DMGDH: variants seen among roughly 807,000 people sequenced by gnomAD.
The protein encoded by DMGDH is dimethylglycine dehydrogenase, mitochondrial.
Under a neutral mutation model 95.2 loss-of-function variants are expected in DMGDH, and 76 were observed. The observed-to-expected ratio is 0.80, with a 90% confidence interval of 0.66 to 0.97. The LOEUF is 0.97. DMGDH is among the 50% of genes least tolerant of loss of function. DMGDH has a pLI of 0.00. For synonymous variants in DMGDH, 345 were observed against 377.6 expected (o/e 0.91, Z 1.00); for missense variants, 987 against 1,055.0 (o/e 0.94, Z 0.89).
At chr5:79,001,194 G>C in intron 15 of DMGDH, 1 of 404,054 alleles carries the variant, frequency 2.5e-6, no homozygotes. Context: ...ATGGAGTCTT[G>C]CTCTGTTGCC....
chr5:79,058,641 T>C (rs1344940365), intron 2 of DMGDH, among the ~76,000 whole-genome samples: 2 of 152,158 alleles, frequency 1.3e-5, no homozygotes, highest in East Asian at 1.9e-4. Context: ...AAAGTGATTG[T>C]AGCTGGTAGA....
In DMGDH at chr5:79,020,632, C is replaced by T. The variant is rs1037143125; in HGVS notation, c.2250+3639G>A. On this transcript the variant is annotated intron_variant, in intron 14 of 15. Transcript: ENST00000255189. ...CTTTAAATATTTCTTCCAAAAGAGA[C>T]CCTGCATTTTCTAGAATCAACATTG... 3.1e-6 allele frequency: 3 copies of T among 953,768 alleles called. No individual in the cohort carries two copies. In the African/African-American group the frequency reaches 5.3e-5, roughly 17 times the overall value. The allele number at this position is 953,768 out of a possible 1,614,324, so 59.1% of individuals were successfully genotyped here.
At chr5:79,014,269 T>G (rs1219780296) in intron 14 of DMGDH, among the ~76,000 whole-genome samples, 1 of 152,226 alleles carries the variant, frequency 6.6e-6, no homozygotes, top group Non-Finnish European at 1.5e-5. Context: ...TTACATGTCT[T>G]TAATATTAAA....
At chr5:79,057,904 C>G (rs950925084) in intron 2 of DMGDH, among the ~76,000 whole-genome samples, 1 of 152,060 alleles carries the variant, frequency 6.6e-6, no homozygotes, top group African/African-American at 2.4e-5. Flanking sequence ...CTGGGTTAAG[C>G]TAGACCACTG....
intron 14 of DMGDH, among the ~76,000 whole-genome samples, chr5:79,019,271 C>G (rs1448073235): frequency 6.6e-6 from 1 of 152,100 alleles, no homozygotes; most frequent in Non-Finnish European, 1.5e-5. Context: ...AGATATGGGG[C>G]AGAATACGAA....
chr5:79,019,231 C>T (rs1753804047), intron 14 of DMGDH, among the ~76,000 whole-genome samples: 1 of 152,132 alleles, frequency 6.6e-6, no homozygotes, highest in South Asian at 2.1e-4. Context: ...AAAAAATTCA[C>T]TTACTACCCA....
intron 8 of DMGDH, 59 bp downstream of exon 8, chr5:79,033,180 G>A (rs1207904032): frequency 1.2e-6 from 2 of 1,601,674 alleles, no homozygotes; most frequent in Non-Finnish European, 1.7e-6. Context: ...TCTAAAGTCA[G>A]AGATGCTACA....
intron 7 of DMGDH, among the ~76,000 whole-genome samples, chr5:79,034,948 T>A (rs2112633449): frequency 6.7e-6 from 1 of 150,060 alleles, no homozygotes; most frequent in South Asian, 2.1e-4. Flanking sequence ...TCCCAGCTAC[T>A]TGGGAGGCTG....
intron 4 of DMGDH, 78 bp from the exon 5 acceptor site, chr5:79,051,569 C>T (rs1236763405): frequency 1.0e-5 from 14 of 1,363,178 alleles, no homozygotes; most frequent in African/African-American, 2.9e-5. Flanking sequence ...TGCTAGTAAA[C>T]GTTTAGTAAA....
intron 2 of DMGDH, 46 bp from the exon 3 acceptor site, chr5:79,055,954 C>T (rs1755019452): frequency 3.2e-6 from 4 of 1,254,000 alleles, no homozygotes; most frequent in African/African-American, 1.5e-5. Context: ...AATTAACATT[C>T]TCAAAATGTT....
At chr5:79,059,736 C>T (rs771849236) in intron 2 of DMGDH, among the ~76,000 whole-genome samples, 1 of 152,212 alleles carries the variant, frequency 6.6e-6, no homozygotes, top group African/African-American at 2.4e-5. Flanking sequence ...GCAATTATTT[C>T]TCACCTACTG....
At position 79,069,544 on chromosome 5, in the gene DMGDH, G is replaced by A; in HGVS notation, c.77C>T (p.Pro26Leu). ...SCPLQGSPGR[P>L]RSVCGREGEE... ...CCCTTCCCGGCCGCAGACAGAGCGCGGGCGCCCGGGGGAGCCCTGCAGCGG... is the reference window on the plus strand; with the variant it reads ...CCCTTCCCGGCCGCAGACAGAGCGCAGGCGCCCGGGGGAGCCCTGCAGCGG... The change falls in exon 1 of 16, where the codon CCG becomes CTG. Residue 26 changes from proline (P) to leucine (L), a missense_variant. Physicochemically the swap from Pro to Leu is moderately conservative, Grantham distance 98 (BLOSUM62 -3). Coordinates refer to ENST00000255189, the MANE Select transcript of DMGDH (RefSeq NM_013391.3). 7.6e-7 allele frequency: 1 copy of A among 1,312,946 alleles called. No homozygotes were observed. Among genetic ancestry groups the A allele is most frequent in the Non-Finnish European group, 9.7e-7 (1 of 1,034,176 alleles). 81.3% of individuals were successfully genotyped at this position (1,312,946 alleles called of 1,614,324 possible).
chr5:79,006,098 T>C (rs1046132211), intron 14 of DMGDH, among the ~76,000 whole-genome samples: 1 of 150,880 alleles, frequency 6.6e-6, no homozygotes, highest in African/African-American at 2.4e-5. Flanking sequence ...ACAGATGACA[T>C]TCCTATTCCT....
At chr5:79,013,864 G>A (rs1183010784) in intron 14 of DMGDH, among the ~76,000 whole-genome samples, 2 of 152,060 alleles carry the variant, frequency 1.3e-5, no homozygotes, top group South Asian at 2.1e-4. Context: ...AGTACCAAAG[G>A]GGATGTTGCT....
At position 79,021,408 on chromosome 5, in the gene DMGDH, C is replaced by G. The variant is rs1753863821; in HGVS notation, c.2250+2863G>C. 4 of 1,186,148 alleles carry G rather than the reference C, an allele frequency of 3.4e-6. No individual in the cohort carries two copies. The Admixed American group carries it at 1.4e-4, about 42-fold the overall frequency. 73.5% of individuals were successfully genotyped at this position (1,186,148 alleles called of 1,614,324 possible). A position where few individuals can be genotyped will look rare whatever the true frequency, so the allele number is the denominator to read the frequency against. ...ATCAGCGGTACTTAATAAATGTCTA[C>G]TAGATGAACGGATGAATGAATGATA... On this transcript the variant is annotated intron_variant, in intron 14 of 15. Coordinates refer to ENST00000255189, the MANE Select transcript of DMGDH (RefSeq NM_013391.3).
chr5:79,043,920 C>T (rs1407924146), intron 6 of DMGDH, among the ~76,000 whole-genome samples: 5 of 152,182 alleles, frequency 3.3e-5, no homozygotes, highest in Non-Finnish European at 4.4e-5. Context: ...CCTCTGATAT[C>T]AGTTGTGTTT....
chr5:79,022,520 G>A (rs191902159), intron 14 of DMGDH, among the ~76,000 whole-genome samples: 56 of 152,294 alleles, frequency 3.7e-4, no homozygotes, highest in Non-Finnish European at 8.8e-5. Flanking sequence ...TGGGGGCCAG[G>A]TCCTTGGGCT....
intron 5 of DMGDH, among the ~76,000 whole-genome samples, chr5:79,050,265 AAAAAAAAAATATAT>A (rs1451401740): frequency 1.1e-4 from 6 of 52,642 alleles, no homozygotes; most frequent in African/African-American, 3.9e-4. Context: ...AAAAAAAAAA[AAAAAAAAAATATAT>A]ATATATATAT....
At chr5:79,039,912 G>A (rs1276814370) in intron 7 of DMGDH, among the ~76,000 whole-genome samples, 4 of 152,130 alleles carry the variant, frequency 2.6e-5, no homozygotes, top group Non-Finnish European at 5.9e-5. Context: ...GAAGGCACCT[G>A]GAAAGGGCCT....
Sources: gnomAD v4.1 joint callset for allele counts (sites outside exome capture counted in the v4.1 genomes callset) on GRCh38, gnomAD v4.1.1 for gene constraint, MANE v1.5 for transcripts, NCBI Gene and HGNC (gene_info 2026-07-23, HGNC 2026-07-21) for gene names.